Variants in RHOBTB1 observed in about 807,000 individuals in gnomAD.
RHOBTB1 encodes Rho related BTB domain containing 1, also known as rho-related BTB domain-containing protein 1.
Under a neutral mutation model 71.6 loss-of-function variants are expected in RHOBTB1, and 40 were observed. The ratio of observed to expected loss-of-function variants is 0.56; its 90% CI spans 0.43 to 0.73. The LOEUF is 0.73. Ranked by LOEUF, RHOBTB1 falls within the 30% of genes least tolerant of loss-of-function variation. The pLI, the probability that RHOBTB1 is intolerant of heterozygous loss-of-function variation, is 0.00. For missense variants in RHOBTB1, 797 were observed against 894.0 expected, an observed-to-expected ratio of 0.89 and a Z score of 1.38; for synonymous variants, 319 against 334.9, an observed-to-expected ratio of 0.95 and a Z score of 0.52.
downstream of RHOBTB1, among the ~76,000 whole-genome samples, chr10:60,866,244 G>A (rs374124190): frequency 3.3e-5 from 5 of 152,334 alleles, no homozygotes; most frequent in East Asian, 9.7e-4. Context: ...GGAACCACAA[G>A]GGATGGATGC....
intron 1 of RHOBTB1, among the ~76,000 whole-genome samples, chr10:60,989,987 T>C (rs1239442426): frequency 6.8e-6 from 1 of 146,380 alleles, no homozygotes; most frequent in Non-Finnish European, 1.5e-5. Context: ...CCTTTTTTTT[T>C]TTTTTTTTTT....
In RHOBTB1 at chr10:60,893,239, G is replaced by A. The variant is rs553252873; in HGVS notation, c.297-244C>T. On this transcript the variant is annotated intron_variant, in intron 4 of 10. Coordinates refer to ENST00000337910, the MANE Select transcript of RHOBTB1 (RefSeq NM_014836.5). ...CACTGCAGAATGCTGATGCATTGAC[G>A]TTTCCGATGAAGTTATTTTATGGTA... is the stretch of plus-strand genomic sequence containing the variant. 1.2e-4 allele frequency among the ~76,000 whole-genome samples: 18 copies of A among 152,190 alleles called. No individual in the cohort carries two copies. The South Asian group carries it at 2.7e-3, about 23-fold the overall frequency.
chr10:60,932,037 C>A (rs1054660201), intron 2 of RHOBTB1, among the ~76,000 whole-genome samples: 7 of 152,212 alleles, frequency 4.6e-5, no homozygotes, highest in African/African-American at 1.7e-4. Flanking sequence ...AAGCTTAGAT[C>A]AATATAGCAT....
intron 4 of RHOBTB1, among the ~76,000 whole-genome samples, chr10:60,898,829 C>G (rs1032628819): frequency 6.6e-6 from 1 of 152,194 alleles, no homozygotes; most frequent in African/African-American, 2.4e-5. Context: ...TTAAACCAGT[C>G]TTCCACCACC....
intron 2 of RHOBTB1, among the ~76,000 whole-genome samples, chr10:60,916,623 A>G (rs1589290376): frequency 6.6e-6 from 1 of 152,304 alleles, no homozygotes; most frequent in East Asian, 1.9e-4. Context: ...TTTTCCACCT[A>G]GGGATGATGG....
intron 1 of RHOBTB1, among the ~76,000 whole-genome samples, chr10:60,995,141 A>G (rs545802572): frequency 3.3e-5 from 5 of 152,266 alleles, no homozygotes; most frequent in Admixed American, 3.3e-4. Flanking sequence ...TTATGAGTAT[A>G]TCAAAGAAAA....
At chr10:60,885,435 G>C (rs543275316) in intron 7 of RHOBTB1, among the ~76,000 whole-genome samples, 1 of 152,168 alleles carries the variant, frequency 6.6e-6, no homozygotes, top group African/African-American at 2.4e-5. Flanking sequence ...AGCTGCTTCC[G>C]CTAGACCTAA....
intron 2 of RHOBTB1, among the ~76,000 whole-genome samples, chr10:60,914,958 G>A (rs1257515518): frequency 2.6e-5 from 4 of 152,180 alleles, no homozygotes; most frequent in Admixed American, 6.5e-5. Flanking sequence ...AATATTCAGG[G>A]CCCAGATCAC....
chr10:60,935,428 T>C (rs1215157337), intron 2 of RHOBTB1, among the ~76,000 whole-genome samples: 2 of 152,194 alleles, frequency 1.3e-5, no homozygotes, highest in East Asian at 3.8e-4. Context: ...TTAGGAAAAC[T>C]TTTTGTTATA....
At chr10:60,893,119 A>G (rs2082003026) in intron 4 of RHOBTB1, 124 bp from the exon 5 acceptor site, 1 of 702,038 alleles carries the variant, frequency 1.4e-6, no homozygotes, top group African/African-American at 1.8e-5. Context: ...AAAAAAAAAG[A>G]CCAGATATTA....
chr10:60,917,816 G>T (rs1044539590), intron 2 of RHOBTB1, among the ~76,000 whole-genome samples: 2 of 152,082 alleles, frequency 1.3e-5, no homozygotes, highest in African/African-American at 4.8e-5. Flanking sequence ...TCCATTCCTT[G>T]TCTGTCTTGC....
intron 2 of RHOBTB1, among the ~76,000 whole-genome samples, chr10:60,929,973 C>T (rs868782282): frequency 3.9e-5 from 6 of 152,114 alleles, no homozygotes; most frequent in Middle Eastern, 3.2e-3. Flanking sequence ...GGCCCCAAAT[C>T]CCCCAAAGTG....
At chr10:60,881,549 G>A (rs2132429463) in intron 7 of RHOBTB1, among the ~76,000 whole-genome samples, 1 of 152,216 alleles carries the variant, frequency 6.6e-6, no homozygotes, top group East Asian at 1.9e-4. Flanking sequence ...CAGGCCCAGG[G>A]ATATATCACT....
At chr10:60,902,568 C>T (rs899145933) in intron 4 of RHOBTB1, among the ~76,000 whole-genome samples, 1 of 152,028 alleles carries the variant, frequency 6.6e-6, no homozygotes, top group Admixed American at 6.5e-5. Flanking sequence ...AAGGCATTAC[C>T]AAAAAAATTT....
downstream of RHOBTB1, among the ~76,000 whole-genome samples, chr10:60,867,682 T>TA (rs1394638425): frequency 1.3e-5 from 2 of 152,196 alleles, no homozygotes; most frequent in Non-Finnish European, 2.9e-5. Context: ...GTTAGCCCAG[T>TA]AAAAAACTAT....
At chr10:60,911,814 T>C (rs2082988601) in intron 2 of RHOBTB1, among the ~76,000 whole-genome samples, 1 of 152,212 alleles carries the variant, frequency 6.6e-6, no homozygotes, top group African/African-American at 2.4e-5. Flanking sequence ...TCTCCTTGGT[T>C]TTCTCTAAAC....
rs1207778565 is a variant in RHOBTB1 at position 60,910,993 on chromosome 10, G to A, written c.193-3C>T. ...ACATCCCGAGAACGCTCCAAGACCT[G>A]CAGGAGAGAGAGAGAGCATCTGTGC... is the stretch of plus-strand genomic sequence containing the variant. On this transcript the variant is annotated splice_region_variant and splice_polypyrimidine_tract_variant and intron_variant, in intron 3 of 10. Transcript: ENST00000337910. 6.2e-7 allele frequency: 1 copy of A among 1,611,494 alleles called. No homozygotes were observed.
chr10:60,892,463 A>T (rs2081969898), intron 5 of RHOBTB1, among the ~76,000 whole-genome samples: 1 of 152,186 alleles, frequency 6.6e-6, no homozygotes, highest in Admixed American at 6.5e-5. Flanking sequence ...AACTAATTTT[A>T]TTGTAATAAT....
intron 8 of RHOBTB1, among the ~76,000 whole-genome samples, chr10:60,875,426 C>T (rs1475157940): frequency 6.6e-6 from 1 of 152,210 alleles, no homozygotes; most frequent in East Asian, 1.9e-4. Context: ...TCAACAGCCA[C>T]ATGTGGCCGC....
Sources: allele counts gnomAD v4.1 joint callset (sites outside exome capture counted in the v4.1 genomes callset), GRCh38; gene constraint gnomAD v4.1.1; transcripts MANE v1.5; gene names NCBI Gene and HGNC (gene_info 2026-07-23, HGNC 2026-07-21).